The following EFHC2 variants were observed in gnomAD, a reference collection of about 807,000 sequenced individuals.
The protein encoded by EFHC2 is EF-hand domain containing 2.
EFHC2 carries 18 observed loss-of-function variants against 52.7 expected under a neutral mutation model. That is an observed-to-expected ratio of 0.34 (90% confidence interval 0.24 to 0.51). The LOEUF (loss-of-function observed/expected upper bound fraction) is 0.51, where lower values mean the gene tolerates loss of function less well. Ranked by LOEUF, EFHC2 falls within the 20% of genes least tolerant of loss-of-function variation. The pLI, the probability that EFHC2 is intolerant of heterozygous loss-of-function variation, is 0.97. For missense variants in EFHC2, 513 were observed against 562.5 expected (o/e 0.91, Z 0.89); for synonymous variants, 203 against 204.1 (o/e 0.99, Z 0.04).
intron 1 of EFHC2, among the ~76,000 whole-genome samples, chrX:44,338,577 A>G: frequency 9.1e-6 from 1 of 110,492 alleles, no homozygotes; most frequent in Admixed American, 9.7e-5. Context: ...AACCACAGTA[A>G]TAGGCATATT....
At chrX:44,164,457 G>A (rs2036681001) in intron 13 of EFHC2, among the ~76,000 whole-genome samples, 1 of 112,061 alleles carries the variant, frequency 8.9e-6, no homozygotes, top group Non-Finnish European at 1.9e-5. Context: ...AGGCAAGCTA[G>A]ATTCATTTTT....
chrX:44,306,909 C>T (rs2037909567), intron 2 of EFHC2, among the ~76,000 whole-genome samples: 1 of 112,284 alleles, frequency 8.9e-6, no homozygotes, highest in Admixed American at 9.4e-5. Context: ...ATTCTCAGGT[C>T]AAGTGTAGCC....
intron 2 of EFHC2, among the ~76,000 whole-genome samples, chrX:44,301,109 CAA>C (rs777876518): frequency 2.1e-4 from 9 of 42,752 alleles, no homozygotes; most frequent in African/African-American, 1.8e-4. Context: ...GACTCTATCT[CAA>C]AAAAAAAAAA....
chrX:44,294,249 C>CGTGTGTGTGTGT (rs200162737), intron 2 of EFHC2, among the ~76,000 whole-genome samples: 17 of 87,497 alleles, frequency 1.9e-4, no homozygotes, highest in Middle Eastern at 6.0e-3. Context: ...GTATACTCAA[C>CGTGTGTGTGTGT]GTGTGTGTGT....
At chrX:44,235,014 C>A (rs1384347884) in intron 9 of EFHC2, among the ~76,000 whole-genome samples, 1 of 111,250 alleles carries the variant, frequency 9.0e-6, no homozygotes, top group Non-Finnish European at 1.9e-5. Flanking sequence ...CCTTGGGTTC[C>A]ACAGAGGTAC....
intron 8 of EFHC2, among the ~76,000 whole-genome samples, chrX:44,238,397 A>G (rs773277186): frequency 2.6e-4 from 29 of 111,733 alleles, no homozygotes; most frequent in African/African-American, 6.8e-4. Flanking sequence ...CACCACTGCC[A>G]TCTATAGTCT....
chrX:44,290,514 T>G (rs1313004464), intron 2 of EFHC2, among the ~76,000 whole-genome samples: 1 of 106,257 alleles, frequency 9.4e-6, no homozygotes, highest in Non-Finnish European at 1.9e-5. Context: ...AACCTTAAGT[T>G]TCTTTGTTCA....
chrX:44,253,451 C>G (rs970544665), intron 4 of EFHC2, among the ~76,000 whole-genome samples: 9 of 111,175 alleles, frequency 8.1e-5, no homozygotes, highest in Non-Finnish European at 7.6e-5. Context: ...GGGCGTCCCC[C>G]ATTACTGAGG....
chrX:44,169,101 T>G (rs912069462), intron 13 of EFHC2, among the ~76,000 whole-genome samples: 1 of 111,416 alleles, frequency 9.0e-6, no homozygotes, highest in African/African-American at 3.3e-5. Context: ...GAAAGGAATA[T>G]CTGGATGAAA....
intron 2 of EFHC2, among the ~76,000 whole-genome samples, chrX:44,293,499 G>GTTTTTGCCATTGAAAGCAATGGCAAAA (rs1556020914): frequency 1.0e-4 from 11 of 110,463 alleles, no homozygotes; most frequent in East Asian, 2.9e-4. Context: ...AATAATTACA[G>GTTTTTGCCATTGAAAGCAATGGCAAAA]TTTTTGCCAT....
chrX:44,341,202 A>C (rs1376368577), intron 1 of EFHC2, among the ~76,000 whole-genome samples: 1 of 111,988 alleles, frequency 8.9e-6, no homozygotes, highest in East Asian at 2.8e-4. Context: ...AAAGGCAAGC[A>C]AAACCTAATT....
intron 11 of EFHC2, among the ~76,000 whole-genome samples, chrX:44,225,124 C>T (rs1313832537): frequency 9.0e-6 from 1 of 110,710 alleles, no homozygotes; most frequent in African/African-American, 3.3e-5. Flanking sequence ...TAACGATCAG[C>T]AGCTCTCACA....
chrX:44,330,631 C>T (rs747663627), intron 1 of EFHC2, among the ~76,000 whole-genome samples: 56 of 111,857 alleles, frequency 5.0e-4, no homozygotes, highest in Non-Finnish European at 3.8e-5. Context: ...GATCATGCCA[C>T]TGTACTCTAG....
intron 1 of EFHC2, among the ~76,000 whole-genome samples, chrX:44,314,551 G>A (rs558791121): frequency 1.8e-5 from 2 of 110,546 alleles, no homozygotes; most frequent in South Asian, 7.7e-4. Flanking sequence ...AGCTGGCTCT[G>A]TCCCTTAGGG....
At chrX:44,177,528 T>C (rs1197249439) in intron 12 of EFHC2, among the ~76,000 whole-genome samples, 4 of 109,056 alleles carry the variant, frequency 3.7e-5, no homozygotes, top group Non-Finnish European at 7.7e-5. Flanking sequence ...TTCTCCCCAC[T>C]GTATAAGGTC....
Position 44,250,307 on chromosome X carries a change from G to A in EFHC2, c.745C>T (p.Leu249Phe). The change falls in exon 5 of 15, where the codon CTC (leucine) becomes TTC (phenylalanine). Residue 249 changes from leucine (L) to phenylalanine (F), a missense_variant. Leu to Phe is a conservative substitution (Grantham distance 22). Transcript: ENST00000420999. ...TCACACAAGAAGTAATGCAGGATGA[G>A]TTCTCTACGGTCTCCAAACATTGAG... The part of the protein sequence containing the change: ...SVSMFGDRRE[L>F]ILHYFLCDDT... 8.3e-7 allele frequency: 1 copy of A among 1,210,973 alleles called. No individual in the cohort carries two copies. Among genetic ancestry groups the A allele is most frequent in the African/African-American group, 1.7e-5 (1 of 57,673 alleles).
intron 13 of EFHC2, among the ~76,000 whole-genome samples, chrX:44,168,662 G>A (rs2036718955): frequency 8.9e-6 from 1 of 111,876 alleles, no homozygotes; most frequent in South Asian, 3.7e-4. Context: ...TCCAGTTTGG[G>A]GAGAGGAGGC....
chrX:44,226,346 G>A (rs1178593796), intron 11 of EFHC2, among the ~76,000 whole-genome samples: 1 of 111,385 alleles, frequency 9.0e-6, no homozygotes, highest in African/African-American at 3.3e-5. Context: ...AAAGTTCCCA[G>A]AGGTAGTTCA....
intron 2 of EFHC2, chrX:44,310,462 G>A: frequency 2.7e-6 from 2 of 740,254 alleles, no homozygotes; most frequent in Non-Finnish European, 3.8e-6. Flanking sequence ...GCAGCGGGAC[G>A]CGGACGGAGA....
Sources: allele counts gnomAD v4.1 joint callset (sites outside exome capture counted in the v4.1 genomes callset), GRCh38; gene constraint gnomAD v4.1.1; transcripts MANE v1.5; gene names NCBI Gene and HGNC (gene_info 2026-07-23, HGNC 2026-07-21).